Variants in REEP3 observed in about 807,000 individuals in gnomAD.
REEP3 encodes the protein receptor accessory protein 3, also known as receptor expression-enhancing protein 3.
In REEP3, 20 loss-of-function variants were observed where a neutral mutation model predicts 41.3. The ratio of observed to expected loss-of-function variants is 0.48; its 90% CI spans 0.34 to 0.70. The LOEUF is 0.70. Among genes scored for constraint, REEP3 ranks in the 30% least tolerant of loss-of-function variants. REEP3 has a pLI of 0.01. For synonymous variants in REEP3, 104 were observed against 101.8 expected (o/e 1.02, Z -0.13); for missense variants, 271 against 308.8 (o/e 0.88, Z 0.92).
chr10:63,534,608 A>G (rs1055394713), intron 1 of REEP3, among the ~76,000 whole-genome samples: 36 of 152,232 alleles, frequency 2.4e-4, no homozygotes, highest in African/African-American at 8.4e-4. Flanking sequence ...TTGGTTTCCT[A>G]TAAGTTTAAG....
chr10:63,575,358 C>T (rs1350435211), intron 2 of REEP3, among the ~76,000 whole-genome samples: 1 of 152,138 alleles, frequency 6.6e-6, no homozygotes, highest in Non-Finnish European at 1.5e-5. Flanking sequence ...TGATGATGTA[C>T]TTTGTTGCAT....
intron 3 of REEP3, 55 bp downstream of exon 3, chr10:63,594,909 A>G (rs1956099820): frequency 5.5e-6 from 6 of 1,081,424 alleles, no homozygotes; most frequent in Non-Finnish European, 7.2e-6. Context: ...CAGGTGTCCT[A>G]AGTTCTTATC....
Position 63,623,654 on chromosome 10 carries a change from G to C in REEP3, c.*2785G>C, listed in dbSNP as rs575590203. 4 of 151,934 alleles carry C rather than the reference G, an allele frequency of 2.6e-5. No individual in the cohort carries two copies. The highest frequency in any genetic ancestry group is 9.7e-5 in the African/African-American group (4 of 41,358). The allele number at this position is 151,934 out of a possible 1,614,324, so 9.4% of individuals were successfully genotyped here. On this transcript the variant is annotated 3_prime_UTR_variant, in exon 8 of 8. Coordinates refer to ENST00000373758, the MANE Select transcript of REEP3 (RefSeq NM_001001330.3). ...CGTTAGTTTACCATATTTTTTCCTG[G>C]TATAAAAAGGAGCCAGAAATAAGCC...
At chr10:63,545,479 A>G (rs955927408) in intron 1 of REEP3, among the ~76,000 whole-genome samples, 1 of 151,710 alleles carries the variant, frequency 6.6e-6, no homozygotes, top group Non-Finnish European at 1.5e-5. Flanking sequence ...AGTTCAAGTG[A>G]TTCTTCTGCC....
intron 1 of REEP3, among the ~76,000 whole-genome samples, chr10:63,523,268 C>G (rs1179301281): frequency 1.3e-5 from 2 of 152,130 alleles, no homozygotes; most frequent in African/African-American, 4.8e-5. Context: ...CTCTAATACC[C>G]AGTGTTGGAC....
Position 63,621,756 on chromosome 10 carries a change from T to G in REEP3, c.*887T>G, listed in dbSNP as rs554751588. The G allele has an allele frequency of 3.3e-5, 5 of 152,418 alleles. No individual in the cohort carries two copies. The East Asian group carries it at 9.6e-4, about 29-fold the overall frequency. 9.4% of individuals were successfully genotyped at this position (152,418 alleles called of 1,614,324 possible). A position where few individuals can be genotyped will look rare whatever the true frequency, so the allele number is the denominator to read the frequency against. ...ATGTTTTTGTCAACACCAATTACAT[T>G]TTCAGCTTTTAAAAATGGTAGCTTT... On this transcript the variant is annotated 3_prime_UTR_variant, in exon 8 of 8. Transcript: ENST00000373758.
chr10:63,594,963 T>A (rs1956100137), intron 3 of REEP3, 109 bp downstream of exon 3: 1 of 740,908 alleles, frequency 1.3e-6, no homozygotes, highest in African/African-American at 1.7e-5. Flanking sequence ...GGTTACCTAA[T>A]TATCCACCCA....
At chr10:63,606,125 C>T (rs998617632) in intron 5 of REEP3, 5 of 958,396 alleles carry the variant, frequency 5.2e-6, no homozygotes, top group Non-Finnish European at 6.2e-6. Context: ...TTAACATACA[C>T]AGAGTACAGA....
intron 1 of REEP3, among the ~76,000 whole-genome samples, chr10:63,536,451 C>CT (rs1955475198): frequency 6.6e-6 from 1 of 151,966 alleles, no homozygotes; most frequent in Non-Finnish European, 1.5e-5. Context: ...TTTAAAATAT[C>CT]CTCAGGATAT....
rs969824304 is a variant in REEP3, at chr10:63,583,257, C to T, written c.106-11521C>T. Among the ~76,000 whole-genome samples the T allele has an allele frequency of 3.9e-5, 6 of 152,312 alleles. No homozygotes were observed. The South Asian group carries it at 6.2e-4, about 16-fold the overall frequency. On this transcript the variant is annotated intron_variant, in intron 2 of 7. Coordinates refer to ENST00000373758, the MANE Select transcript of REEP3 (RefSeq NM_001001330.3). ...CCGCCCACCTCAGCCTCCCAAAGTGCTGGGACTACAGGCGTCAGCCACGGT... is the reference window on the plus strand; with the variant it reads ...CCGCCCACCTCAGCCTCCCAAAGTGTTGGGACTACAGGCGTCAGCCACGGT...
chr10:63,538,936 C>T (rs915495795), intron 1 of REEP3, among the ~76,000 whole-genome samples: 9 of 152,112 alleles, frequency 5.9e-5, no homozygotes, highest in African/African-American at 2.2e-4. Context: ...CTCACTTGAT[C>T]AGTAGAGGAC....
intron 2 of REEP3, among the ~76,000 whole-genome samples, chr10:63,589,029 A>T (rs945051986): frequency 3.9e-5 from 6 of 152,164 alleles, no homozygotes; most frequent in Admixed American, 3.3e-4. Flanking sequence ...GGGCAGAGAG[A>T]TTGCTGGAGC....
intron 1 of REEP3, among the ~76,000 whole-genome samples, chr10:63,547,995 T>G (rs1033903094): frequency 6.6e-6 from 1 of 152,212 alleles, no homozygotes; most frequent in Admixed American, 6.5e-5. Flanking sequence ...TATTTTGACG[T>G]TTTTCCCAAG....
rs10740136 is a variant in REEP3, at chr10:63,569,862, A to T, written c.105+3452A>T. Among the ~76,000 whole-genome samples the T allele has an allele frequency of 2.6e-5, 4 of 151,848 alleles. No homozygotes were observed. The South Asian group carries it at 6.2e-4, about 24-fold the overall frequency. On this transcript the variant is annotated intron_variant, in intron 2 of 7. Coordinates refer to ENST00000373758, the MANE Select transcript of REEP3 (RefSeq NM_001001330.3). ...AAGGCTGAGGTGGGAGAATCACCTGAGCCTGGGAGTCGAGACTACAGTGAG... is the reference window on the plus strand; with the variant it reads ...AAGGCTGAGGTGGGAGAATCACCTGTGCCTGGGAGTCGAGACTACAGTGAG...
At chr10:63,570,286 A>G (rs1212469809) in intron 2 of REEP3, among the ~76,000 whole-genome samples, 3 of 152,234 alleles carry the variant, frequency 2.0e-5, no homozygotes, top group Non-Finnish European at 2.9e-5. Flanking sequence ...TGAGAAAACT[A>G]TAAACATGAT....
chr10:63,543,267 A>T (rs922007295), intron 1 of REEP3, among the ~76,000 whole-genome samples: 1 of 152,168 alleles, frequency 6.6e-6, no homozygotes, highest in Non-Finnish European at 1.5e-5. Flanking sequence ...CTCATGTTTT[A>T]ATAACATGGA....
intron 1 of REEP3, among the ~76,000 whole-genome samples, chr10:63,558,011 T>G (rs1298123491): frequency 6.6e-6 from 1 of 152,180 alleles, no homozygotes; most frequent in South Asian, 2.1e-4. Context: ...TCATATGAAA[T>G]TTCATATGTA....
At chr10:63,581,010 T>C (rs1435468639) in intron 2 of REEP3, among the ~76,000 whole-genome samples, 1 of 152,156 alleles carries the variant, frequency 6.6e-6, no homozygotes, top group African/African-American at 2.4e-5. Flanking sequence ...AGACCCTGCC[T>C]CTAAACAAAT....
intron 2 of REEP3, among the ~76,000 whole-genome samples, chr10:63,567,056 A>G (rs1385406261): frequency 6.6e-6 from 1 of 152,102 alleles, no homozygotes; most frequent in East Asian, 1.9e-4. Context: ...GGCCTTCCCC[A>G]CCTATAAATC....
Sources: allele counts gnomAD v4.1 joint callset (sites outside exome capture counted in the v4.1 genomes callset), GRCh38; gene constraint gnomAD v4.1.1; transcripts MANE v1.5; gene names NCBI Gene and HGNC (gene_info 2026-07-23, HGNC 2026-07-21).